The following SUGCT variants were observed in gnomAD, a reference collection of about 807,000 sequenced individuals.
SUGCT encodes the protein succinyl-CoA:glutarate CoA-transferase.
Under a neutral mutation model 55.0 loss-of-function variants are expected in SUGCT, and 41 were observed. The ratio of observed to expected loss-of-function variants is 0.74; its 90% CI spans 0.58 to 0.97. The LOEUF is 0.97. SUGCT is among the 50% of genes least tolerant of loss of function. The pLI, the probability that SUGCT is intolerant of heterozygous loss-of-function variation, is 0.00. For synonymous variants in SUGCT, 187 were observed against 200.4 expected, an observed-to-expected ratio of 0.93 and a Z score of 0.56; for missense variants, 568 against 547.8, an observed-to-expected ratio of 1.04 and a Z score of -0.37.
the SUGCT span, among the ~76,000 whole-genome samples, chr7:40,898,768 T>C: frequency 2.0e-5 from 3 of 151,962 alleles, no homozygotes; most frequent in Admixed American, 2.0e-4. Context: ...ACCGAAAGCC[T>C]ACCAATTCTG....
intron 12 of SUGCT, among the ~76,000 whole-genome samples, chr7:40,669,346 C>CAA (rs33947436): frequency 1.0e-3 from 93 of 90,694 alleles, no homozygotes; most frequent in Non-Finnish European, 7.3e-4. Flanking sequence ...GTGTAAGCTT[C>CAA]AAAAAAAAAA....
At chr7:40,576,481 GA>G (rs1275994743) in intron 12 of SUGCT, among the ~76,000 whole-genome samples, 1 of 152,284 alleles carries the variant, frequency 6.6e-6, no homozygotes, top group African/African-American at 2.4e-5. Context: ...TGAGAGCAGG[GA>G]ACATGTGAGT....
chr7:40,922,411 C>A, the SUGCT span, among the ~76,000 whole-genome samples: 1 of 152,168 alleles, frequency 6.6e-6, no homozygotes, highest in Admixed American at 6.5e-5. Flanking sequence ...CACCTTCCTT[C>A]TTCATTAGGT....
Position 40,180,120 on chromosome 7 carries a change from G to C in SUGCT, c.101-827G>C, listed in dbSNP as rs147937383. Among the ~76,000 whole-genome samples the C allele has an allele frequency of 4.7e-3, 709 of 151,650 alleles. 4 individuals carry two copies. The highest frequency in any genetic ancestry group is 0.017 in the African/African-American group (686 of 41,062). ...TCAAATATTTGCTATTGCTGTGATT[G>C]TGATAGTAATTTTTTTTTTTTTGAG... On this transcript the variant is annotated intron_variant, in intron 1 of 13. Coordinates refer to ENST00000335693, the MANE Select transcript of SUGCT (RefSeq NM_001193313.2).
At chr7:40,586,216 A>T (rs1287653605) in intron 12 of SUGCT, among the ~76,000 whole-genome samples, 5 of 152,176 alleles carry the variant, frequency 3.3e-5, no homozygotes, top group Non-Finnish European at 7.3e-5. Flanking sequence ...GTGTTAGGCA[A>T]TGTTTTTAAC....
intron 12 of SUGCT, among the ~76,000 whole-genome samples, chr7:40,677,037 G>GAA (rs1044766213): frequency 6.6e-6 from 1 of 151,834 alleles, no homozygotes; most frequent in Non-Finnish European, 1.5e-5. Flanking sequence ...CGTATGTATG[G>GAA]AAAAATAAGC....
intron 12 of SUGCT, among the ~76,000 whole-genome samples, chr7:40,530,921 G>C (rs946130229): frequency 6.6e-6 from 1 of 152,304 alleles, no homozygotes; most frequent in South Asian, 2.1e-4. Context: ...GCATAGTTTA[G>C]GGTCTCAAAG....
chr7:40,227,539 A>AT (rs1788451566), intron 6 of SUGCT, among the ~76,000 whole-genome samples: 1 of 152,052 alleles, frequency 6.6e-6, no homozygotes. Context: ...TAATTTTTAA[A>AT]TTTTTTTGTA....
intron 9 of SUGCT, among the ~76,000 whole-genome samples, chr7:40,336,546 A>T (rs925391027): frequency 6.6e-6 from 1 of 152,118 alleles, no homozygotes; most frequent in East Asian, 1.9e-4. Context: ...AGAGGTGTTT[A>T]TAGTATTCTC....
intron 8 of SUGCT, among the ~76,000 whole-genome samples, chr7:40,312,698 G>C (rs1342667721): frequency 6.6e-6 from 1 of 152,144 alleles, no homozygotes; most frequent in Non-Finnish European, 1.5e-5. Flanking sequence ...ATAATCTCTT[G>C]CTTGCTGGCT....
intron 13 of SUGCT, among the ~76,000 whole-genome samples, chr7:40,752,581 C>G (rs898406260): frequency 1.3e-5 from 2 of 152,142 alleles, no homozygotes; most frequent in Non-Finnish European, 2.9e-5. Flanking sequence ...GTCTCAAACT[C>G]CTGACCTCGG....
chr7:40,919,634 A>G, the SUGCT span, among the ~76,000 whole-genome samples: 2 of 152,164 alleles, frequency 1.3e-5, no homozygotes, highest in Non-Finnish European at 2.9e-5. Flanking sequence ...TTCTTAATTT[A>G]TCTTTTATGA....
At chr7:40,243,648 G>T (rs1483840249) in intron 7 of SUGCT, among the ~76,000 whole-genome samples, 1 of 151,994 alleles carries the variant, frequency 6.6e-6, no homozygotes, top group African/African-American at 2.4e-5. Flanking sequence ...AACGAAGGCA[G>T]TTCTTTGCAA....
At chr7:40,940,835 C>T in the SUGCT span, among the ~76,000 whole-genome samples, 1 of 151,938 alleles carries the variant, frequency 6.6e-6, no homozygotes, top group African/African-American at 2.4e-5. Context: ...AGTTGGATAT[C>T]CTCTTTCCCA....
the SUGCT span, among the ~76,000 whole-genome samples, chr7:40,923,513 G>A: frequency 6.6e-6 from 1 of 152,118 alleles, no homozygotes; most frequent in African/African-American, 2.4e-5. Flanking sequence ...ATTGAAACAT[G>A]TTCTGTTACC....
At chr7:40,263,274 A>G (rs7781242) in intron 7 of SUGCT, among the ~76,000 whole-genome samples, 5,666 of 152,280 alleles carry the variant, frequency 0.037, 366 homozygotes, top group African/African-American at 0.13. Context: ...CACTTATAAA[A>G]TTATCTTTTA....
chr7:40,165,263 G>A (rs937124757), intron 1 of SUGCT, among the ~76,000 whole-genome samples: 1 of 151,980 alleles, frequency 6.6e-6, no homozygotes, highest in Admixed American at 6.6e-5. Flanking sequence ...AATCTCAATA[G>A]TTGGCTAGTA....
rs1795445558 is a variant in SUGCT, at chr7:40,316,628, T to C, written c.721-132T>C. The C allele has an allele frequency of 1.1e-5, 6 of 570,182 alleles. No individual in the cohort carries two copies. The East Asian group carries it at 1.8e-4, about 17-fold the overall frequency. 35.3% of individuals were successfully genotyped at this position (570,182 alleles called of 1,614,324 possible). A position where few individuals can be genotyped will look rare whatever the true frequency, so the allele number is the denominator to read the frequency against. ...ATAAAAGTACAATGCCTGTATATTT[T>C]CTAACTTGATGGACAGGTTTTTTTC... On this transcript the variant is annotated intron_variant, in intron 8 of 13. Transcript: ENST00000335693.
chr7:40,647,387 A>G (rs1295044376), intron 12 of SUGCT, among the ~76,000 whole-genome samples: 2 of 152,178 alleles, frequency 1.3e-5, no homozygotes, highest in African/African-American at 2.4e-5. Context: ...CAAAAGTACT[A>G]CTGATACTAT....
Sources: gnomAD v4.1 joint callset for allele counts (sites outside exome capture counted in the v4.1 genomes callset) on GRCh38, gnomAD v4.1.1 for gene constraint, MANE v1.5 for transcripts, NCBI Gene and HGNC (gene_info 2026-07-23, HGNC 2026-07-21) for gene names.